Variants in NLRP5 observed in about 807,000 individuals in gnomAD.
The protein encoded by NLRP5 is NLR family pyrin domain containing 5.
Under a neutral mutation model 113.1 loss-of-function variants are expected in NLRP5, and 93 were observed. The observed-to-expected ratio is 0.82, with a 90% CI of 0.70 to 0.98. The LOEUF (loss-of-function observed/expected upper bound fraction) is 0.98. Among genes scored for constraint, NLRP5 ranks in the 50% least tolerant of loss-of-function variants. The pLI is 0.00. For synonymous variants in NLRP5, 751 were observed against 600.7 expected, an observed-to-expected ratio of 1.25 and a Z score of -3.66; for missense variants, 1,808 against 1,514.3, an observed-to-expected ratio of 1.19 and a Z score of -3.22.
intron 14 of NLRP5, among the ~76,000 whole-genome samples, chr19:56,061,190 T>C (rs1267429860): frequency 6.6e-6 from 1 of 152,202 alleles, no homozygotes; most frequent in African/African-American, 2.4e-5. Context: ...AGGGGGAGTC[T>C]CCATGTTTCA....
chr19:56,058,197 C>T, intron 13 of NLRP5, 43 bp from the exon 14 acceptor site: 1 of 1,511,022 alleles, frequency 6.6e-7, no homozygotes, highest in Non-Finnish European at 9.1e-7. Flanking sequence ...AAGGGTCCAT[C>T]ATCGATCTTT....
Position 56,003,677 on chromosome 19 carries a change from G to GTAT in NLRP5, c.63-38_63-36dup, listed in dbSNP as rs776005345. 8.3e-5 allele frequency: 129 copies of GTAT among 1,547,150 alleles called. No homozygotes were observed. In the Middle Eastern group the frequency reaches 1.0e-3, roughly 13 times the overall value. On this transcript the variant is annotated intron_variant, in intron 1 of 14. Coordinates refer to ENST00000390649, the MANE Select transcript of NLRP5 (RefSeq NM_153447.4). ...TCTAGTGAGGTGATTGATGTTAGTT[G>GTAT]TATCTACTTGAGAATTTGCTGCAAG...
intron 13 of NLRP5, among the ~76,000 whole-genome samples, chr19:56,057,703 C>T (rs1019609858): frequency 6.6e-6 from 1 of 152,086 alleles, no homozygotes; most frequent in African/African-American, 2.4e-5. Context: ...GAACCAAGCA[C>T]AGTAGCCTCA....
intron 10 of NLRP5, among the ~76,000 whole-genome samples, chr19:56,040,161 G>T (rs1335431227): frequency 6.6e-6 from 1 of 151,972 alleles, no homozygotes; most frequent in Non-Finnish European, 1.5e-5. Context: ...TGCCCAGGCT[G>T]GTCTCGAACT....
chr19:55,999,412 C>T (rs1258191935), upstream of NLRP5, among the ~76,000 whole-genome samples: 1 of 151,924 alleles, frequency 6.6e-6, no homozygotes, highest in Non-Finnish European at 1.5e-5. Flanking sequence ...AATGGGGTTT[C>T]ACCATGTTAG....
At chr19:56,030,711 C>T (rs368991720) in intron 7 of NLRP5, among the ~76,000 whole-genome samples, 16 of 47,762 alleles carry the variant, frequency 3.3e-4, no homozygotes, top group Non-Finnish European at 4.1e-4. Context: ...TCGCTTTCTT[C>T]TTCTTTTTTT....
intron 11 of NLRP5, among the ~76,000 whole-genome samples, chr19:56,045,686 G>A (rs760555841): frequency 1.1e-4 from 16 of 152,098 alleles, no homozygotes; most frequent in Non-Finnish European, 2.2e-4. Flanking sequence ...ATAGTCTGGA[G>A]CTAGTTTTAT....
rs951957416 is a variant in NLRP5 at position 56,059,674 on chromosome 19, A to G, written c.3470+1264A>G. On this transcript the variant is annotated intron_variant, in intron 14 of 14. Transcript: ENST00000390649. The stretch of plus-strand genomic sequence containing the variant: ...CTCAGCCTCCTGAGTGGCTGGGATT[A>G]TAGGTACGTGCCACCACGCCCAGCT... Among the ~76,000 whole-genome samples, 4 of 152,258 alleles carry G rather than the reference A, an allele frequency of 2.6e-5. No individual in the cohort carries two copies. In the East Asian group the frequency reaches 7.7e-4, roughly 29 times the overall value.
chr19:55,999,322 C>A (rs910632872), upstream of NLRP5, among the ~76,000 whole-genome samples: 1 of 144,680 alleles, frequency 6.9e-6, no homozygotes, highest in African/African-American at 2.6e-5. Context: ...TCAAGTGATT[C>A]TTCTGCCTCA....
At chr19:56,025,551 G>A (rs979405767) in intron 6 of NLRP5, among the ~76,000 whole-genome samples, 12 of 147,348 alleles carry the variant, frequency 8.1e-5, no homozygotes, top group Admixed American at 2.1e-4. Context: ...CATTACAGGC[G>A]CCCGCCAACA....
chr19:56,050,488 C>T lies in NLRP5; in HGVS notation c.3028C>T (p.Leu1010=), dbSNP rs1325312785. Residue 1010 remains leucine, a synonymous_variant, in exon 12 of 15, where the codon CTG becomes TTG. Transcript: ENST00000390649. ...ACTTGCGCTTATGGGTAACTCATGG[C>T]TGACGCACCTGAGCCTTAGCATGAA... The T allele has an allele frequency of 6.2e-7, 1 of 1,613,910 alleles. No homozygotes were observed. Among genetic ancestry groups the T allele is most frequent in the East Asian group, 2.2e-5 (1 of 44,866 alleles).
Position 56,027,147 on chromosome 19 carries a change from AAGGTGGACTCTAC to A in NLRP5, c.915_927del (p.Gln305HisfsTer39), listed in dbSNP as rs1568490925. ...AGAAGGATCGTGCTGTGCTGGGCGC[AAGGTGGACTCTAC>A]CAGGGAATGTTCTCCTACGTCTTCT... On this transcript the variant is annotated frameshift_variant, in exon 7 of 15. Coordinates refer to ENST00000390649, the MANE Select transcript of NLRP5 (RefSeq NM_153447.4). LOFTEE classifies it high-confidence loss of function. The A allele has an allele frequency of 6.2e-7, 1 of 1,601,946 alleles. No homozygotes were observed. Among genetic ancestry groups the A allele is most frequent in the Admixed American group, 1.7e-5 (1 of 57,930 alleles).
intron 13 of NLRP5, among the ~76,000 whole-genome samples, chr19:56,055,423 A>T (rs117472015): frequency 6.9e-6 from 1 of 145,942 alleles, no homozygotes; most frequent in Non-Finnish European, 1.5e-5. Context: ...TTTGTGTTTT[A>T]TTTTTATGAT....
chr19:56,028,051 T>G lies in NLRP5; in HGVS notation c.1818T>G (p.Ala606=). ...TAGAGGGCCTGGAAATCGAGCCAGC[T>G]CTCTGCCCTCTGTACGTTGAGAAGA... The change falls in exon 7 of 15, where the codon GCT becomes GCG. Residue 606 remains alanine (A), a synonymous_variant. Coordinates refer to ENST00000390649, the MANE Select transcript of NLRP5 (RefSeq NM_153447.4). The G allele has an allele frequency of 3.1e-6, 5 of 1,613,978 alleles. No homozygotes were observed. Among genetic ancestry groups the G allele is most frequent in the Non-Finnish European group, 4.2e-6 (5 of 1,179,872 alleles).
chr19:56,051,280 C>T (rs1425990469), intron 12 of NLRP5, among the ~76,000 whole-genome samples: 3 of 152,162 alleles, frequency 2.0e-5, no homozygotes, highest in East Asian at 1.9e-4. Flanking sequence ...GCAACCTCCG[C>T]GTTCCAGGTT....
At chr19:55,996,520 C>T (rs939297525), upstream of NLRP5, among the ~76,000 whole-genome samples, 3 of 152,204 alleles carry the variant, frequency 2.0e-5, no homozygotes, top group Non-Finnish European at 2.9e-5. Context: ...CGGTGTGTGA[C>T]GTTCCCCTTC....
the NLRP5 span, among the ~76,000 whole-genome samples, chr19:55,990,234 A>G: frequency 1.3e-5 from 2 of 151,396 alleles, no homozygotes; most frequent in East Asian, 2.0e-4. Flanking sequence ...GACTACAGGC[A>G]CACGCCACGA....
At chr19:56,013,600 T>TTTTTTTTTTG (rs1982292115) in intron 3 of NLRP5, among the ~76,000 whole-genome samples, 1 of 130,774 alleles carries the variant, frequency 7.6e-6, no homozygotes, top group African/African-American at 2.9e-5. Context: ...ATTTGGGTTT[T>TTTTTTTTTTG]TTTTTTTTTT....
At position 56,025,204 on chromosome 19, in the gene NLRP5, T is replaced by G. The variant is rs551994575; in HGVS notation, c.680-1709T>G. Among the ~76,000 whole-genome samples, 3 of 152,272 alleles carry G rather than the reference T, an allele frequency of 2.0e-5. No individual in the cohort carries two copies. The South Asian group carries it at 6.2e-4, about 32-fold the overall frequency. On this transcript the variant is annotated intron_variant, in intron 6 of 14. Coordinates refer to ENST00000390649, the MANE Select transcript of NLRP5 (RefSeq NM_153447.4). ...ATTATATATTACAATGTAATCATAA[T>G]AAAGTGCACAATAAACATAATGTGC...
Sources: gnomAD v4.1 joint callset for allele counts (sites outside exome capture counted in the v4.1 genomes callset) on GRCh38, gnomAD v4.1.1 for gene constraint, MANE v1.5 for transcripts, NCBI Gene and HGNC (gene_info 2026-07-23, HGNC 2026-07-21) for gene names.